TMEM26: variants seen among roughly 807,000 people sequenced by gnomAD.
TMEM26 encodes transmembrane protein 26.
A neutral mutation model predicts 28.8 loss-of-function variants in TMEM26; 38 were observed. The observed-to-expected ratio is 1.32, with a 90% confidence interval of 1.02 to 1.73. The LOEUF is 1.73. TMEM26 is among the 40% of genes most tolerant of loss of function. The pLI, the probability that TMEM26 is intolerant of heterozygous loss-of-function variation, is 0.00. For synonymous variants in TMEM26, 227 were observed against 182.9 expected (o/e 1.24, Z -1.95); for missense variants, 518 against 447.1 (o/e 1.16, Z -1.43).
intron 2 of TMEM26, among the ~76,000 whole-genome samples, chr10:61,433,012 G>A (rs1017240286): frequency 6.6e-6 from 1 of 152,070 alleles, no homozygotes; most frequent in Non-Finnish European, 1.5e-5. Context: ...TATTTCAATA[G>A]GAAATATATT....
Position 61,413,952 on chromosome 10 carries a change from A to T in TMEM26, c.606-417T>A, listed in dbSNP as rs1839610460. ...GGGATCGAATTGAAAAGACATTTCA[A>T]AAGAGCTAAATGATGATCAAAGATT... On this transcript the variant is annotated intron_variant, in intron 4 of 5. Transcript: ENST00000399298. The T allele has an allele frequency of 4.1e-6, 4 of 987,188 alleles. No individual in the cohort carries two copies. In the South Asian group the frequency reaches 1.9e-4, roughly 46 times the overall value. The allele number at this position is 987,188 out of a possible 1,614,324, so 61.2% of individuals were successfully genotyped here.
chr10:61,411,765 T>C (rs1355670783), intron 5 of TMEM26, among the ~76,000 whole-genome samples: 1 of 152,144 alleles, frequency 6.6e-6, no homozygotes, highest in African/African-American at 2.4e-5. Context: ...GGGCAGAAAA[T>C]AATCCTTTTA....
chr10:61,436,174 G>T lies in TMEM26; in HGVS notation c.266C>A (p.Thr89Asn), dbSNP rs757691444. ...CTACTTTCCAAAAAGAAGTACCTGG[G>T]TCTCATGGTGCAATTCAAGAAGCCA... is the stretch of plus-strand genomic sequence containing the variant. ...SLWLLELHHE[T>N]QYCSIQAEGT... Residue 89 changes from threonine to asparagine, a missense_variant, in exon 2 of 6, where the codon ACC becomes AAC. Coordinates refer to ENST00000399298, the MANE Select transcript of TMEM26 (RefSeq NM_178505.8). The T allele has an allele frequency of 1.3e-5, 20 of 1,597,676 alleles. No individual in the cohort carries two copies. In the South Asian group the frequency reaches 1.8e-4, roughly 14 times the overall value.
rs377389502 is a variant in TMEM26 at position 61,453,094 on chromosome 10, A to T, written c.-13T>A. On this transcript the variant is annotated 5_prime_UTR_variant, in exon 1 of 6. Coordinates refer to ENST00000399298, the MANE Select transcript of TMEM26 (RefSeq NM_178505.8). ...CCAGTCCCTCCATGCTGGCCGGAGC[A>T]CTCTGCCTACGTCCCCTTGCCTGCG... is the stretch of plus-strand genomic sequence containing the variant. 9 of 1,609,092 alleles carry T rather than the reference A, an allele frequency of 5.6e-6. No individual in the cohort carries two copies. Among genetic ancestry groups the T allele is most frequent in the Non-Finnish European group, 7.6e-6 (9 of 1,177,984 alleles).
chr10:61,448,406 A>C (rs1464784225), intron 1 of TMEM26, among the ~76,000 whole-genome samples: 2 of 152,256 alleles, frequency 1.3e-5, no homozygotes, highest in Non-Finnish European at 2.9e-5. Context: ...TCTGTGCCTC[A>C]GTTTTCTCAT....
rs1274923895 is a variant in TMEM26, at chr10:61,420,136, T to TTA, written c.606-6602_606-6601insTA. 3.7e-3 allele frequency among the ~76,000 whole-genome samples: 566 copies of TTA among 152,304 alleles called. 3 individuals are homozygous for TTA. The highest frequency in any genetic ancestry group is 0.013 in the African/African-American group (542 of 41,566). On this transcript the variant is annotated intron_variant, in intron 4 of 5. Transcript: ENST00000399298. ...GTCAATTAACACATATTTTGTATGTTATATGTATTACACACTTTATTTTTA... is the reference window on the plus strand; with the variant it reads ...GTCAATTAACACATATTTTGTATGTTTAATATGTATTACACACTTTATTTTTA...
At chr10:61,439,880 A>G (rs537069571) in intron 1 of TMEM26, among the ~76,000 whole-genome samples, 2 of 152,318 alleles carry the variant, frequency 1.3e-5, no homozygotes, top group African/African-American at 4.8e-5. Context: ...AGGACACCCA[A>G]TTAGGAGACT....
At chr10:61,421,805 G>A (rs1378724143) in intron 4 of TMEM26, among the ~76,000 whole-genome samples, 2 of 152,076 alleles carry the variant, frequency 1.3e-5, no homozygotes, top group Non-Finnish European at 1.5e-5. Flanking sequence ...AAGCCACCAT[G>A]TTTGTGGTAT....
chr10:61,452,405 G>A (rs1057087534), intron 1 of TMEM26, among the ~76,000 whole-genome samples: 2 of 152,224 alleles, frequency 1.3e-5, no homozygotes, highest in African/African-American at 2.4e-5. Flanking sequence ...GTGCAGCGAG[G>A]GTCTTCTCGT....
chr10:61,434,712 A>AT (rs1416256666), intron 2 of TMEM26, among the ~76,000 whole-genome samples: 1 of 152,318 alleles, frequency 6.6e-6, no homozygotes, highest in Admixed American at 6.5e-5. Flanking sequence ...TGTTTTATTC[A>AT]TCCCTACATT....
chr10:61,424,982 T>C (rs1472099961), intron 4 of TMEM26, among the ~76,000 whole-genome samples: 3 of 152,196 alleles, frequency 2.0e-5, no homozygotes, highest in Non-Finnish European at 4.4e-5. Flanking sequence ...ATTCTACAAG[T>C]GTACTAGTCC....
At chr10:61,448,888 G>A (rs1379005708) in intron 1 of TMEM26, among the ~76,000 whole-genome samples, 4 of 152,136 alleles carry the variant, frequency 2.6e-5, no homozygotes, top group African/African-American at 4.8e-5. Flanking sequence ...CTTATTCTCA[G>A]ATAATGCCTG....
chr10:61,446,680 G>A (rs868003205), intron 1 of TMEM26, among the ~76,000 whole-genome samples: 41 of 151,450 alleles, frequency 2.7e-4, no homozygotes, highest in African/African-American at 9.2e-4. Flanking sequence ...TTAACCAGGC[G>A]TGGTGGCACG....
intron 4 of TMEM26, among the ~76,000 whole-genome samples, chr10:61,427,522 A>G (rs548204619): frequency 4.4e-4 from 67 of 152,190 alleles, no homozygotes; most frequent in African/African-American, 1.5e-3. Flanking sequence ...ACTTTTATTC[A>G]CGAAATTATT....
At chr10:61,436,638 C>T (rs1040146878) in intron 1 of TMEM26, among the ~76,000 whole-genome samples, 1 of 152,126 alleles carries the variant, frequency 6.6e-6, no homozygotes, top group Admixed American at 6.5e-5. Context: ...TTAGACATTA[C>T]AATTTCAAGA....
intron 1 of TMEM26, among the ~76,000 whole-genome samples, chr10:61,437,639 A>G (rs751162557): frequency 6.6e-6 from 1 of 151,986 alleles, no homozygotes; most frequent in Non-Finnish European, 1.5e-5. Flanking sequence ...CAAAAAATTA[A>G]CCAGGCAGAG....
Position 61,419,538 on chromosome 10 carries a change from T to C in TMEM26, c.606-6003A>G, listed in dbSNP as rs1314033552. 1.3e-5 allele frequency among the ~76,000 whole-genome samples: 2 copies of C among 152,026 alleles called. 1 individual carries two copies. Among genetic ancestry groups the C allele is most frequent in the South Asian group, 4.1e-4 (2 of 4,822 alleles). Reference sequence around the variant, plus strand: ...AAATATGCAAACTGAAGTGAAAAATTCAATAGATGAACTCTACAATTGGAC... The same window carrying C: ...AAATATGCAAACTGAAGTGAAAAATCCAATAGATGAACTCTACAATTGGAC... On this transcript the variant is annotated intron_variant, in intron 4 of 5. Transcript: ENST00000399298.
Position 61,410,604 on chromosome 10 carries a change from C to T in TMEM26, c.825G>A (p.Leu275=), listed in dbSNP as rs1239865677. The T allele has an allele frequency of 1.9e-6, 3 of 1,613,986 alleles. No individual in the cohort carries two copies. Among genetic ancestry groups the T allele is most frequent in the African/African-American group, 2.7e-5 (2 of 74,910 alleles). ...DGPFLVVRLI[L]MTYFKVINQM... ...GATTGATCACTTTGAAATAGGTCAT[C>T]AGTATGAGACGCACGACAAGGAAGG... Residue 275 remains leucine, a synonymous_variant, in exon 6 of 6, where the codon CTG becomes CTA. Coordinates refer to ENST00000399298, the MANE Select transcript of TMEM26 (RefSeq NM_178505.8).
intron 1 of TMEM26, among the ~76,000 whole-genome samples, chr10:61,445,782 T>A (rs935594609): frequency 6.6e-6 from 1 of 152,104 alleles, no homozygotes; most frequent in Non-Finnish European, 1.5e-5. Context: ...TCCAGGGTAG[T>A]GGGGAATATA....
Sources: allele counts gnomAD v4.1 joint callset (sites outside exome capture counted in the v4.1 genomes callset), GRCh38; gene constraint gnomAD v4.1.1; transcripts MANE v1.5; gene names NCBI Gene and HGNC (gene_info 2026-07-23, HGNC 2026-07-21).